UCP1: variants seen among roughly 807,000 people sequenced by gnomAD.
UCP1 encodes uncoupling protein 1.
UCP1 carries 24 observed loss-of-function variants against 26.2 expected under a neutral mutation model. The ratio of observed to expected loss-of-function variants is 0.92; its 90% confidence interval spans 0.66 to 1.29. The LOEUF is 1.29. Among genes scored for constraint, UCP1 ranks in the 50% most tolerant of loss-of-function variants. The pLI, the probability that UCP1 is intolerant of heterozygous loss-of-function variation, is 0.00. For missense variants in UCP1, 402 were observed against 388.7 expected (o/e 1.03, Z -0.29); for synonymous variants, 164 against 156.8 (o/e 1.05, Z -0.34).
Position 140,563,476 on chromosome 4 carries a change from G to C in UCP1, c.368C>G (p.Thr123Ser), listed in dbSNP as rs1735732958. ...LGSKILAGLT[T>S]GGVAVFIGQP... ...CCCAATGAATACTGCCACTCCTCCAGTCGTTAGACCAGCTAAAATCTTGCT... is the reference window on the plus strand; with the variant it reads ...CCCAATGAATACTGCCACTCCTCCACTCGTTAGACCAGCTAAAATCTTGCT... The change falls in exon 3 of 6, where the codon ACT becomes AGT. Residue 123 changes from threonine to serine, a missense_variant. Thr to Ser is a moderately conservative substitution (Grantham distance 58). Transcript: ENST00000262999. 6.2e-7 allele frequency: 1 copy of C among 1,613,972 alleles called. No individual in the cohort carries two copies. Among genetic ancestry groups the C allele is most frequent in the African/African-American group, 1.3e-5 (1 of 74,884 alleles).
intron 2 of UCP1, among the ~76,000 whole-genome samples, chr4:140,565,793 C>T (rs1384260955): frequency 6.6e-6 from 1 of 151,458 alleles, no homozygotes; most frequent in East Asian, 1.9e-4. Context: ...ACGGACCATA[C>T]CTCCATGGCT....
chr4:140,563,352 T>C lies in UCP1; in HGVS notation c.492A>G (p.Ile164Met). Reference sequence around the variant, plus strand: ...GACCCGTCAAGCCTTCGGTTGTTGCTATTATTCTGTACGCATTATAAGTCC... The same window carrying C: ...GACCCGTCAAGCCTTCGGTTGTTGCCATTATTCTGTACGCATTATAAGTCC... Reference protein sequence around the residue: ...YTGTYNAYRIIATTEGLTGLW... With the variant: ...YTGTYNAYRIMATTEGLTGLW... The change falls in exon 3 of 6, where the codon ATA (isoleucine) becomes ATG (methionine). Residue 164 changes from isoleucine to methionine, a missense_variant. Physicochemically the swap from Ile to Met is conservative, Grantham distance 10. Coordinates refer to ENST00000262999, the MANE Select transcript of UCP1 (RefSeq NM_021833.5). 1 of 1,614,202 alleles carries C rather than the reference T, an allele frequency of 6.2e-7. No homozygotes were observed. The highest frequency in any genetic ancestry group is 8.5e-7 in the Non-Finnish European group (1 of 1,180,028).
At chr4:140,567,691 T>A in intron 2 of UCP1, 88 bp downstream of exon 2, 1 of 1,522,764 alleles carries the variant, frequency 6.6e-7, no homozygotes, top group South Asian at 1.1e-5. Context: ...CAATTTGTTA[T>A]GAAAACCACT....
rs1735836356 is a variant in UCP1, at chr4:140,567,890, TC to T, written c.213del (p.Met72Ter). The T allele has an allele frequency of 1.9e-6, 3 of 1,614,172 alleles. No individual in the cohort carries two copies. Among genetic ancestry groups the T allele is most frequent in the East Asian group, 4.5e-5 (2 of 44,882 alleles). On this transcript the variant is annotated frameshift_variant, in exon 2 of 6. Transcript: ENST00000262999. LOFTEE classifies it high-confidence loss of function. The stretch of plus-strand genomic sequence containing the variant: ...GCAGGCAGCCCGCTGTAGAGTTTCA[TC>T]CGCCCTTCTGTTTTTACCACAGCGG... ...TITAVVKTEG[R>X]MKLYSGLPAG...
chr4:140,559,997 A>G lies in UCP1; in HGVS notation c.823T>C (p.Phe275Leu), dbSNP rs146114327. The change falls in exon 6 of 6, where the codon TTC (phenylalanine) becomes CTC (leucine). Residue 275 changes from phenylalanine to leucine, a missense_variant. Phe to Leu is a conservative substitution (Grantham distance 22). Transcript: ENST00000262999. ...TAFFKGLVPS[F>L]LRLGSWNVIM... Reference sequence around the variant, plus strand: ...ACGTTCCAGGATCCAAGTCGCAAGAAGGAAGGTACCAACCTAGAAAAGTGC... The same window carrying G: ...ACGTTCCAGGATCCAAGTCGCAAGAGGGAAGGTACCAACCTAGAAAAGTGC... 171 of 1,613,982 alleles carry G rather than the reference A, an allele frequency of 1.1e-4. No homozygotes were observed. The African/African-American group carries it at 2.0e-3, about 19-fold the overall frequency.
chr4:140,566,812 C>T (rs1735809162), intron 2 of UCP1, among the ~76,000 whole-genome samples: 1 of 152,144 alleles, frequency 6.6e-6, no homozygotes, highest in African/African-American at 2.4e-5. Context: ...CCCTGATATT[C>T]GGCTAACACT....
At chr4:140,567,702 C>T in intron 2 of UCP1, 77 bp downstream of exon 2, 8 of 1,564,092 alleles carry the variant, frequency 5.1e-6, no homozygotes, top group Non-Finnish European at 7.0e-6. Context: ...GAAAACCACT[C>T]CTCTGTGTGT....
In UCP1 at chr4:140,567,901, G is replaced by GT. The variant is rs1258658011; in HGVS notation, c.202dup (p.Thr68AsnfsTer45). Reference sequence around the variant, plus strand: ...GCTGTAGAGTTTCATCCGCCCTTCTGTTTTTACCACAGCGGTGATTGTTCC... The same window carrying GT: ...GCTGTAGAGTTTCATCCGCCCTTCTGTTTTTTACCACAGCGGTGATTGTTCC... On this transcript the variant is annotated frameshift_variant, in exon 2 of 6. Coordinates refer to ENST00000262999, the MANE Select transcript of UCP1 (RefSeq NM_021833.5). LOFTEE classifies it high-confidence loss of function. The GT allele has an allele frequency of 6.2e-7, 1 of 1,614,152 alleles. No homozygotes were observed. The highest frequency in any genetic ancestry group is 8.5e-7 in the Non-Finnish European group (1 of 1,180,016).
At chr4:140,561,608 G>C (rs1735678736) in intron 5 of UCP1, among the ~76,000 whole-genome samples, 1 of 152,088 alleles carries the variant, frequency 6.6e-6, no homozygotes, top group African/African-American at 2.4e-5. Context: ...CAAAGTGCTG[G>C]GATTACAGGT....
At position 140,563,538 on chromosome 4, in the gene UCP1, A is replaced by T. The variant is rs1735735205; in HGVS notation, c.326-20T>A. The T allele has an allele frequency of 6.2e-7, 1 of 1,607,422 alleles. No individual in the cohort carries two copies. The highest frequency in any genetic ancestry group is 8.5e-7 in the Non-Finnish European group (1 of 1,177,096). On this transcript the variant is annotated intron_variant, in intron 2 of 5. Coordinates refer to ENST00000262999, the MANE Select transcript of UCP1 (RefSeq NM_021833.5). ...GTGCTGCTATCCAGAGAGAAAAAAA[A>T]TTATTAAGAAAAAAAATTAAAGACC...
Position 140,567,878 on chromosome 4 carries a change from T to A in UCP1, c.226A>T (p.Ser76Cys). ...CGCTGAAGCCCCGCAGGCAGCCCGCTGTAGAGTTTCATCCGCCCTTCTGTT... is the reference window on the plus strand; with the variant it reads ...CGCTGAAGCCCCGCAGGCAGCCCGCAGTAGAGTTTCATCCGCCCTTCTGTT... ...VKTEGRMKLY[S>C]GLPAGLQRQI... The change falls in exon 2 of 6, where the codon AGC (serine) becomes TGC (cysteine). Residue 76 changes from serine (S) to cysteine (C), a missense_variant. Physicochemically the swap from Ser to Cys is moderately radical, Grantham distance 112. Transcript: ENST00000262999. 1 of 1,614,184 alleles carries A rather than the reference T, an allele frequency of 6.2e-7. No individual in the cohort carries two copies. The highest frequency in any genetic ancestry group is 1.1e-5 in the South Asian group (1 of 91,078).
intron 3 of UCP1, 22 bp from the exon 4 acceptor site, chr4:140,563,233 A>G: frequency 6.2e-7 from 1 of 1,612,282 alleles, no homozygotes; most frequent in Non-Finnish European, 8.5e-7. Flanking sequence ...AAAAAAGAAA[A>G]TGTTTATTAA....
Position 140,563,450 on chromosome 4 carries a change from G to A in UCP1, c.394C>T (p.Gln132Ter). 2.5e-6 allele frequency: 4 copies of A among 1,613,978 alleles called. No homozygotes were observed. Among genetic ancestry groups the A allele is most frequent in the Non-Finnish European group, 3.4e-6 (4 of 1,180,008 alleles). ...CTGACTTTCACGACCTCTGTGGGTTGCCCAATGAATACTGCCACTCCTCCA... is the reference window on the plus strand; with the variant it reads ...CTGACTTTCACGACCTCTGTGGGTTACCCAATGAATACTGCCACTCCTCCA... ...TTGGVAVFIGQPTEVVKVRLQ... is the reference protein window; with the variant it reads ...TTGGVAVFIG Residue 132 changes from glutamine to a stop codon, truncating the protein, a stop_gained, in exon 3 of 6, where the codon CAA (glutamine) becomes TAA (stop). Coordinates refer to ENST00000262999, the MANE Select transcript of UCP1 (RefSeq NM_021833.5). LOFTEE classifies it high-confidence loss of function.
rs1376159990 is a variant in UCP1, at chr4:140,563,390, G to A, written c.454C>T (p.Pro152Ser). 4.3e-6 allele frequency: 7 copies of A among 1,614,000 alleles called. No individual in the cohort carries two copies. The highest frequency in any genetic ancestry group is 1.7e-5 in the Admixed American group (1 of 59,994). The part of the protein sequence containing the change: ...QAQSHLHGIK[P>S]RYTGTYNAYR... ...GCATTATAAGTCCCCGTGTAGCGAG[G>A]TTTGATTCCGTGGAGATGGCTCTGT... The change falls in exon 3 of 6, where the codon CCT (proline) becomes TCT (serine). Residue 152 changes from proline (P) to serine (S), a missense_variant. Transcript: ENST00000262999.
chr4:140,564,944 T>C (rs1735765021), intron 2 of UCP1, among the ~76,000 whole-genome samples: 1 of 152,180 alleles, frequency 6.6e-6, no homozygotes, highest in Non-Finnish European at 1.5e-5. Flanking sequence ...TCCCCTACAA[T>C]ATAGCTTATA....
At chr4:140,565,538 T>TA (rs1168448304) in intron 2 of UCP1, among the ~76,000 whole-genome samples, 9 of 152,138 alleles carry the variant, frequency 5.9e-5, no homozygotes, top group African/African-American at 2.2e-4. Flanking sequence ...ACTGTAAGGA[T>TA]AAAATCCAAA....
chr4:140,566,173 C>G (rs1181811671), intron 2 of UCP1, among the ~76,000 whole-genome samples: 1 of 152,128 alleles, frequency 6.6e-6, no homozygotes, highest in Non-Finnish European at 1.5e-5. Flanking sequence ...GAGAATGTAT[C>G]CCCATCGTTA....
chr4:140,562,348 C>T lies in UCP1; in HGVS notation c.654G>A (p.Ser218=), dbSNP rs750591279. Residue 218 remains serine (S), a synonymous_variant, in exon 5 of 6, where the codon TCG becomes TCA. Coordinates refer to ENST00000262999, the MANE Select transcript of UCP1 (RefSeq NM_021833.5). ...LADDVPCHLV[S]ALIAGFCATA... ...TTGCGCAAAATCCAGCGATAAGAGC[C>T]GACACCAAGTGGCAGGGGACGTCAT... 1.5e-5 allele frequency: 25 copies of T among 1,613,852 alleles called. No homozygotes were observed. Among genetic ancestry groups the T allele is most frequent in the East Asian group, 2.2e-5 (1 of 44,892 alleles).
chr4:140,563,349 T>C lies in UCP1; in HGVS notation c.495A>G (p.Ala165=). Residue 165 remains alanine, a synonymous_variant, in exon 3 of 6, where the codon GCA becomes GCG. Coordinates refer to ENST00000262999, the MANE Select transcript of UCP1 (RefSeq NM_021833.5). ...TGTYNAYRII[A]TTEGLTGLWK... Reference sequence around the variant, plus strand: ...AAAGACCCGTCAAGCCTTCGGTTGTTGCTATTATTCTGTACGCATTATAAG... The same window carrying C: ...AAAGACCCGTCAAGCCTTCGGTTGTCGCTATTATTCTGTACGCATTATAAG... 6.2e-7 allele frequency: 1 copy of C among 1,614,218 alleles called. No homozygotes were observed.
Sources: allele counts gnomAD v4.1 joint callset (sites outside exome capture counted in the v4.1 genomes callset), GRCh38; gene constraint gnomAD v4.1.1; transcripts MANE v1.5; gene names NCBI Gene and HGNC (gene_info 2026-07-23, HGNC 2026-07-21).